Variants in STK38L observed in about 807,000 individuals in gnomAD.
STK38L encodes serine/threonine kinase 38 like.
In STK38L, 28 loss-of-function variants were observed where a neutral mutation model predicts 59.7. The observed-to-expected ratio is 0.47, with a 90% confidence interval of 0.35 to 0.64. STK38L has a LOEUF of 0.64. Ranked by LOEUF, STK38L falls within the 30% of genes least tolerant of loss-of-function variation. The pLI is 0.01. For synonymous variants in STK38L, 162 were observed against 176.8 expected, an observed-to-expected ratio of 0.92 and a Z score of 0.66; for missense variants, 314 against 555.8, an observed-to-expected ratio of 0.56 and a Z score of 4.37.
chr12:27,306,089 G>C (rs894917311), intron 3 of STK38L, among the ~76,000 whole-genome samples: 4 of 152,076 alleles, frequency 2.6e-5, no homozygotes, highest in African/African-American at 9.7e-5. Context: ...TGTTATAGGT[G>C]ATGCTCATTT....
At chr12:27,264,373 A>G (rs1362053932) in intron 1 of STK38L, among the ~76,000 whole-genome samples, 1 of 152,182 alleles carries the variant, frequency 6.6e-6, no homozygotes, top group African/African-American at 2.4e-5. Context: ...AGGTGGGATG[A>G]AAGAGATTTT....
At chr12:27,297,271 A>C (rs896038172) in intron 1 of STK38L, 5 of 153,676 alleles carry the variant, frequency 3.3e-5, no homozygotes, top group African/African-American at 1.2e-4. Context: ...TTCATAAGGC[A>C]GAAGCTACTT....
At chr12:27,283,256 CTATG>C (rs1202305813) in intron 1 of STK38L, among the ~76,000 whole-genome samples, 4 of 152,218 alleles carry the variant, frequency 2.6e-5, no homozygotes, top group Middle Eastern at 3.4e-3. Flanking sequence ...TGTATTGAGA[CTATG>C]TGTGTGTGTT....
At position 27,325,721 on chromosome 12, in the gene STK38L, G is replaced by T. The variant is rs1366252889; in HGVS notation, c.*3266G>T. 6.6e-6 allele frequency: 1 copy of T among 152,126 alleles called. No homozygotes were observed. Among genetic ancestry groups the T allele is most frequent in the Non-Finnish European group, 1.5e-5 (1 of 68,020 alleles). 9.4% of individuals were successfully genotyped at this position (152,126 alleles called of 1,614,324 possible). ...ATATGAGACACTTGGGACTACTAGA[G>T]ATATTTTAGATTTTTATGAAAAAAA... On this transcript the variant is annotated 3_prime_UTR_variant, in exon 14 of 14. Transcript: ENST00000389032.
At position 27,271,085 on chromosome 12, in the gene STK38L, A is replaced by G. The variant is rs1232956460; in HGVS notation, c.-11-26625A>G. 2.6e-5 allele frequency among the ~76,000 whole-genome samples: 4 copies of G among 152,324 alleles called. No individual in the cohort carries two copies. In the Middle Eastern group the frequency reaches 0.01, roughly 389 times the overall value. On this transcript the variant is annotated intron_variant, in intron 1 of 13. Transcript: ENST00000389032. ...TCAGGTACTGCCCTAAGTGCATTAC[A>G]TATATTAACTCACAACAATCCTTTT... is the stretch of plus-strand genomic sequence containing the variant.
Position 27,323,972 on chromosome 12 carries a change from A to G in STK38L, c.*1517A>G, listed in dbSNP as rs998176343. ...CCATGATAACCATTATAAATGATCT[A>G]TGATCAAAATCTAAAGTGATGAATT... On this transcript the variant is annotated 3_prime_UTR_variant, in exon 14 of 14. Transcript: ENST00000389032. 6 of 152,260 alleles carry G rather than the reference A, an allele frequency of 3.9e-5. No homozygotes were observed. Among genetic ancestry groups the G allele is most frequent in the African/African-American group, 9.6e-5 (4 of 41,564 alleles). 9.4% of individuals were successfully genotyped at this position (152,260 alleles called of 1,614,324 possible). A position where few individuals can be genotyped will look rare whatever the true frequency, so the allele number is the denominator to read the frequency against.
intron 1 of STK38L, among the ~76,000 whole-genome samples, chr12:27,287,783 G>C (rs550020432): frequency 6.6e-6 from 1 of 152,148 alleles, no homozygotes; most frequent in Non-Finnish European, 1.5e-5. Flanking sequence ...TGGATACCCA[G>C]TTGTTCCAGT....
intron 1 of STK38L, among the ~76,000 whole-genome samples, chr12:27,268,840 G>T (rs1943357574): frequency 2.6e-5 from 4 of 152,076 alleles, no homozygotes; most frequent in African/African-American, 9.7e-5. Context: ...ATCTCATTGT[G>T]GTTTTGATTT....
intron 1 of STK38L, among the ~76,000 whole-genome samples, chr12:27,295,180 T>G (rs1478757852): frequency 3.9e-5 from 6 of 152,244 alleles, no homozygotes; most frequent in Non-Finnish European, 7.3e-5. Context: ...TTTTAAAAAA[T>G]AATGCTCATT....
chr12:27,308,571 T>G lies in STK38L; in HGVS notation c.309+110T>G. 1 of 1,167,366 alleles carries G rather than the reference T, an allele frequency of 8.6e-7. No homozygotes were observed. The highest frequency in any genetic ancestry group is 3.4e-4 in the Middle Eastern group (1 of 2,910). The allele number at this position is 1,167,366 out of a possible 1,614,324, so 72.3% of individuals were successfully genotyped here. The stretch of plus-strand genomic sequence containing the variant: ...TGGGTGCGGTGGCTCACGCCTGTAA[T>G]CCCAATACTTTGGGAGGCCGAGGCG... On this transcript the variant is annotated intron_variant, in intron 4 of 13. Transcript: ENST00000389032. The surrounding 1 kb of genome is among the most constrained non-coding windows in gnomAD (Gnocchi z 4.5).
At chr12:27,270,912 T>C (rs538146992) in intron 1 of STK38L, among the ~76,000 whole-genome samples, 1 of 152,354 alleles carries the variant, frequency 6.6e-6, no homozygotes, top group Non-Finnish European at 1.5e-5. Context: ...TTTGGCTTAG[T>C]AGAGAGATCC....
At chr12:27,319,263 G>T in intron 11 of STK38L, 65 bp from the exon 12 acceptor site, 1 of 949,422 alleles carries the variant, frequency 1.1e-6, no homozygotes, top group Middle Eastern at 2.8e-4. Flanking sequence ...AATATTTGAA[G>T]TAATGCAGCT....
intron 1 of STK38L, among the ~76,000 whole-genome samples, chr12:27,257,954 C>G (rs1333907850): frequency 6.6e-6 from 1 of 151,764 alleles, no homozygotes; most frequent in South Asian, 2.1e-4. Flanking sequence ...TTCTGCCTCC[C>G]GGGTTCAAGT....
At chr12:27,312,432 T>C in intron 5 of STK38L, 117 bp from the exon 6 acceptor site, 1 of 1,108,436 alleles carries the variant, frequency 9.0e-7, no homozygotes, top group Admixed American at 2.5e-5. Flanking sequence ...ATGTATCAAA[T>C]CTTCTGAAAC....
intron 5 of STK38L, among the ~76,000 whole-genome samples, 173 bp from the exon 6 acceptor site, chr12:27,312,376 A>C (rs932091510): frequency 6.6e-6 from 1 of 152,174 alleles, no homozygotes; most frequent in African/African-American, 2.4e-5. Context: ...AAAATAAACT[A>C]TTTCTTGAGG....
At chr12:27,247,753 T>C (rs1942885508) in intron 1 of STK38L, among the ~76,000 whole-genome samples, 1 of 152,072 alleles carries the variant, frequency 6.6e-6, no homozygotes, top group East Asian at 1.9e-4. Flanking sequence ...CAGATGATCT[T>C]CTTGCCTCCT....
chr12:27,258,276 C>T (rs1943131402), intron 1 of STK38L, among the ~76,000 whole-genome samples: 1 of 152,202 alleles, frequency 6.6e-6, no homozygotes, highest in Admixed American at 6.5e-5. Flanking sequence ...AACTCCTGAG[C>T]TTAAGCAATT....
chr12:27,292,753 T>C (rs970938982), intron 1 of STK38L, among the ~76,000 whole-genome samples: 3 of 152,190 alleles, frequency 2.0e-5, no homozygotes, highest in Non-Finnish European at 2.9e-5. Flanking sequence ...ATCATAATCA[T>C]TACTAAATTA....
chr12:27,259,298 G>A (rs971372608), intron 1 of STK38L, among the ~76,000 whole-genome samples: 1 of 152,194 alleles, frequency 6.6e-6, no homozygotes, highest in Admixed American at 6.5e-5. Context: ...TTCCTGACTT[G>A]TTAAAGAGTT....
Sources: gnomAD v4.1 joint callset for allele counts (sites outside exome capture counted in the v4.1 genomes callset) on GRCh38, gnomAD v4.1.1 for gene constraint, Gnocchi (gnomAD v3.1) non-coding constraint, MANE v1.5 for transcripts, NCBI Gene and HGNC (gene_info 2026-07-23, HGNC 2026-07-21) for gene names.